DOCK10: variants seen among roughly 807,000 people sequenced by gnomAD.
The protein encoded by DOCK10 is dedicator of cytokinesis protein 10.
DOCK10 carries 145 observed loss-of-function variants against 280.1 expected under a neutral mutation model. The ratio of observed to expected loss-of-function variants is 0.52; its 90% confidence interval spans 0.45 to 0.59. DOCK10 has a LOEUF of 0.59. Among genes scored for constraint, DOCK10 ranks in the 20% least tolerant of loss-of-function variants. DOCK10 has a pLI of 0.00. For missense variants in DOCK10, 2,368 were observed against 2,651.7 expected, an observed-to-expected ratio of 0.89 and a Z score of 2.35; for synonymous variants, 915 against 942.2, an observed-to-expected ratio of 0.97 and a Z score of 0.53.
At chr2:224,903,589 A>G (rs972356852) in intron 3 of DOCK10, among the ~76,000 whole-genome samples, 1 of 152,214 alleles carries the variant, frequency 6.6e-6, no homozygotes, top group African/African-American at 2.4e-5. Flanking sequence ...ATTTGTCAGG[A>G]CATGAATGAT....
At chr2:224,912,585 T>C (rs928676487) in intron 3 of DOCK10, among the ~76,000 whole-genome samples, 12 of 152,188 alleles carry the variant, frequency 7.9e-5, no homozygotes, top group African/African-American at 2.4e-4. Flanking sequence ...ACTTGTGAGG[T>C]AGCCAATGTT....
intron 5 of DOCK10, 71 bp from the exon 6 acceptor site, chr2:224,886,256 A>G (rs999265043): frequency 2.0e-5 from 31 of 1,586,042 alleles, no homozygotes; most frequent in Non-Finnish European, 2.5e-5. Context: ...GCATTTAAAA[A>G]AGAGACTCCT....
chr2:224,958,623 G>T (rs146365163), intron 1 of DOCK10, among the ~76,000 whole-genome samples: 1 of 151,614 alleles, frequency 6.6e-6, no homozygotes, highest in East Asian at 1.9e-4. Flanking sequence ...CCACAAAGAA[G>T]ACTCAAATTC....
chr2:224,904,734 C>CA (rs1700489218), intron 3 of DOCK10, among the ~76,000 whole-genome samples: 1 of 152,064 alleles, frequency 6.6e-6, no homozygotes, highest in Admixed American at 6.6e-5. Flanking sequence ...ACATGAGATT[C>CA]AAAAATTAGT....
rs771303087 is a variant in DOCK10 at position 224,876,110 on chromosome 2, G to T, written c.859C>A (p.Arg287Ser). 6.2e-7 allele frequency: 1 copy of T among 1,613,824 alleles called. No homozygotes were observed. The highest frequency in any genetic ancestry group is 8.5e-7 in the Non-Finnish European group (1 of 1,179,880). The change falls in exon 8 of 56, where the codon CGC becomes AGC. Residue 287 changes from arginine to serine, a missense_variant. By Grantham distance (110) the Arg-to-Ser change is moderately radical (BLOSUM62 -1). Coordinates refer to ENST00000258390, the MANE Select transcript of DOCK10 (RefSeq NM_014689.3). ...CCCTCAGGACTGATTTGCAGAATGC[G>T]GTTGAGGGTGTGGATCCATTCATCC... ...DMDEWIHTLN[R>S]ILQISPEGPL...
intron 1 of DOCK10, among the ~76,000 whole-genome samples, chr2:224,932,188 T>C (rs1356441910): frequency 9.2e-5 from 14 of 152,206 alleles, no homozygotes. Context: ...GCTCTGAGCC[T>C]CTTTGTCTCT....
chr2:224,799,375 T>C (rs1313394257), intron 41 of DOCK10, among the ~76,000 whole-genome samples: 1 of 152,280 alleles, frequency 6.6e-6, no homozygotes, highest in Non-Finnish European at 1.5e-5. Context: ...GTCTATTGTA[T>C]GGATATACCA....
Position 224,886,196 on chromosome 2 carries a change from G to A in DOCK10, c.490-11C>T, listed in dbSNP as rs745627279. The A allele has an allele frequency of 6.2e-7, 1 of 1,613,652 alleles. No individual in the cohort carries two copies. Among genetic ancestry groups the A allele is most frequent in the East Asian group, 2.2e-5 (1 of 44,886 alleles). On this transcript the variant is annotated splice_polypyrimidine_tract_variant and intron_variant, in intron 5 of 55. Transcript: ENST00000258390. ...GTGGGAAGTGGTATCCTGTAGGAAA[G>A]GCATAGTAGCATGACAGCCATCTTT...
chr2:224,782,594 T>C (rs956221834), intron 50 of DOCK10, among the ~76,000 whole-genome samples: 11 of 152,212 alleles, frequency 7.2e-5, no homozygotes, highest in Admixed American at 5.2e-4. Context: ...AGACAATTCA[T>C]GTTGTGCAAG....
At chr2:224,855,680 T>C (rs1306469852) in intron 15 of DOCK10, among the ~76,000 whole-genome samples, 1 of 152,154 alleles carries the variant, frequency 6.6e-6, no homozygotes, top group Non-Finnish European at 1.5e-5. Flanking sequence ...AATCTTCCTT[T>C]AGAGTAAAGT....
chr2:224,828,579 G>A (rs1695016714), intron 27 of DOCK10, among the ~76,000 whole-genome samples: 1 of 152,148 alleles, frequency 6.6e-6, no homozygotes, highest in Non-Finnish European at 1.5e-5. Flanking sequence ...AGGTGCTGGG[G>A]ACCAATATCA....
chr2:225,017,356 A>G (rs1335736430), intron 1 of DOCK10, among the ~76,000 whole-genome samples: 1 of 151,988 alleles, frequency 6.6e-6, no homozygotes. Flanking sequence ...AGAATTACAC[A>G]TTATAAGGAG....
intron 1 of DOCK10, among the ~76,000 whole-genome samples, chr2:225,031,519 A>C (rs939014896): frequency 2.0e-5 from 3 of 152,192 alleles, no homozygotes; most frequent in Admixed American, 6.5e-5. Context: ...GACAGATCAT[A>C]TTACCTTTCC....
chr2:224,776,632 GAA>G lies in DOCK10; in HGVS notation c.5802+1504_5802+1505del, dbSNP rs113737189. 1.5e-3 allele frequency among the ~76,000 whole-genome samples: 196 copies of G among 134,690 alleles called. 1 individual carries two copies. Among genetic ancestry groups the G allele is most frequent in the Middle Eastern group, 7.6e-3 (2 of 262 alleles). The allele number at this position is 134,690 out of a possible 152,430, so 88.4% of individuals were successfully genotyped here. On this transcript the variant is annotated intron_variant, in intron 51 of 55. Coordinates refer to ENST00000258390, the MANE Select transcript of DOCK10 (RefSeq NM_014689.3). ...AAACTTGAGCTTGTAAAAGAGGACA[GAA>G]AAAAAAAAAAAGAACTCTTCTGTAG...
At chr2:224,823,956 C>T (rs1315270681) in intron 27 of DOCK10, among the ~76,000 whole-genome samples, 1 of 152,152 alleles carries the variant, frequency 6.6e-6, no homozygotes, top group South Asian at 2.1e-4. Context: ...TGAACCTTCT[C>T]TGTGGCCTCT....
rs1009786085 is a variant in DOCK10 at position 224,778,196 on chromosome 2, T to C, written c.5744A>G (p.Lys1915Arg). ...TGCTCCAAATTTATCTGCATAGAGC[T>C]TGAGTAATCTTTGGGAAATCTCGGA... Reference protein sequence around the residue: ...GLSEISQRLLKLYADKFGADN... With the variant: ...GLSEISQRLLRLYADKFGADN... Residue 1915 changes from lysine (K) to arginine (R), a missense_variant, in exon 51 of 56, where the codon AAG becomes AGG. Lys to Arg is a conservative substitution (Grantham distance 26). Coordinates refer to ENST00000258390, the MANE Select transcript of DOCK10 (RefSeq NM_014689.3). 7 of 1,613,182 alleles carry C rather than the reference T, an allele frequency of 4.3e-6. No individual in the cohort carries two copies. Among genetic ancestry groups the C allele is most frequent in the Admixed American group, 1.7e-5 (1 of 59,936 alleles).
chr2:224,992,724 G>A (rs1706162602), intron 1 of DOCK10, among the ~76,000 whole-genome samples: 1 of 152,228 alleles, frequency 6.6e-6, no homozygotes, highest in South Asian at 2.1e-4. Flanking sequence ...GGGGAAAGCA[G>A]GGAATTGGCT....
rs1429973093 is a variant in DOCK10, at chr2:224,796,436, A to G, written c.4828-10T>C. The G allele has an allele frequency of 1.3e-6, 2 of 1,505,168 alleles. No individual in the cohort carries two copies. Among genetic ancestry groups the G allele is most frequent in the Non-Finnish European group, 9.0e-7 (1 of 1,108,280 alleles). 93.2% of individuals were successfully genotyped at this position (1,505,168 alleles called of 1,614,324 possible). ...TCACAGCTTTGATGAGCTAGAAAAGAAAAAAAATGAACTCTCAAAAACAAG... is the reference window on the plus strand; with the variant it reads ...TCACAGCTTTGATGAGCTAGAAAAGGAAAAAAATGAACTCTCAAAAACAAG... On this transcript the variant is annotated splice_polypyrimidine_tract_variant and intron_variant, in intron 43 of 55. Transcript: ENST00000258390.
Position 224,781,633 on chromosome 2 carries a change from T to G in DOCK10, c.5656-3349A>C, listed in dbSNP as rs77125957. On this transcript the variant is annotated intron_variant, in intron 50 of 55. Transcript: ENST00000258390. ...TTTAGCCCCAAGGTTATAAGCTGAC[T>G]GCATTTCAAGGCAATGGGAAATGTG... 9.1e-3 allele frequency among the ~76,000 whole-genome samples: 1,388 copies of G among 152,332 alleles called. 16 individuals carry two copies. Among genetic ancestry groups the G allele is most frequent in the African/African-American group, 0.032 (1,310 of 41,564 alleles).
Sources: allele counts gnomAD v4.1 joint callset (sites outside exome capture counted in the v4.1 genomes callset), GRCh38; gene constraint gnomAD v4.1.1; transcripts MANE v1.5; gene names NCBI Gene and HGNC (gene_info 2026-07-23, HGNC 2026-07-21).